AMPH: variants seen among roughly 807,000 people sequenced by gnomAD.
The protein encoded by AMPH is amphiphysin, also known as amphiphysin (Stiff-Mann syndrome with breast cancer 128kD autoantigen).
In AMPH, 49 loss-of-function variants were observed where a neutral mutation model predicts 99.1. That is an observed-to-expected ratio of 0.49 (90% CI 0.39 to 0.63). The LOEUF (loss-of-function observed/expected upper bound fraction) is 0.63. AMPH is among the 20% of genes least tolerant of loss of function. The pLI is 0.00. For synonymous variants in AMPH, 314 were observed against 317.3 expected, an observed-to-expected ratio of 0.99 and a Z score of 0.11; for missense variants, 759 against 863.4, an observed-to-expected ratio of 0.88 and a Z score of 1.52.
Position 38,393,682 on chromosome 7 carries a change from T to C in AMPH, c.1608+323A>G, listed in dbSNP as rs571344102. Among the ~76,000 whole-genome samples, 7 of 152,314 alleles carry C rather than the reference T, an allele frequency of 4.6e-5. No individual in the cohort carries two copies. The South Asian group carries it at 1.2e-3, about 27-fold the overall frequency. On this transcript the variant is annotated intron_variant, in intron 18 of 20. Transcript: ENST00000356264. ...GCTGAGTGCTCACTTCATCACATTC[T>C]CTTTCTCCCGGCTCCATTCTCATCC... is the stretch of plus-strand genomic sequence containing the variant.
intron 2 of AMPH, among the ~76,000 whole-genome samples, chr7:38,527,689 A>G (rs7812098): frequency 0.61 from 93,154 of 152,036 alleles, 29,146 homozygotes; most frequent in African/African-American, 0.75. Context: ...ATCTGCAGAC[A>G]AAATGAGTGT....
At chr7:38,429,475 C>G in intron 14 of AMPH, 1 of 1,314,106 alleles carries the variant, frequency 7.6e-7, no homozygotes, top group Non-Finnish European at 9.9e-7. Context: ...CAAGTAAATG[C>G]ACCTATATCA....
intron 3 of AMPH, among the ~76,000 whole-genome samples, chr7:38,502,701 C>T (rs556641789): frequency 1.3e-5 from 2 of 152,206 alleles, no homozygotes; most frequent in South Asian, 4.2e-4. Flanking sequence ...ATGACTGGGC[C>T]CACTCTGTAT....
chr7:38,579,964 G>A (rs1278376040), intron 1 of AMPH, among the ~76,000 whole-genome samples: 1 of 152,060 alleles, frequency 6.6e-6, no homozygotes, highest in Non-Finnish European at 1.5e-5. Flanking sequence ...TAAACACTCA[G>A]GTAAAAAGCA....
At chr7:38,606,374 T>C (rs1584297436) in intron 1 of AMPH, among the ~76,000 whole-genome samples, 1 of 152,182 alleles carries the variant, frequency 6.6e-6, no homozygotes, top group East Asian at 1.9e-4. Context: ...AGGCAGTGAG[T>C]CCCTATTCCT....
intron 14 of AMPH, among the ~76,000 whole-genome samples, chr7:38,427,433 T>C (rs996535708): frequency 3.9e-5 from 6 of 152,232 alleles, no homozygotes; most frequent in Non-Finnish European, 7.3e-5. Flanking sequence ...GTGTTCTTTT[T>C]GGAGTGGAAC....
chr7:38,406,725 C>CTCTCCT (rs1293617761), intron 17 of AMPH, among the ~76,000 whole-genome samples: 1 of 58,908 alleles, frequency 1.7e-5, no homozygotes, highest in Non-Finnish European at 3.1e-5. Context: ...TCTCTCTCTC[C>CTCTCCT]CTTTCCCTCT....
chr7:38,389,968 C>T, intron 19 of AMPH, 63 bp from the exon 20 acceptor site: 1 of 1,259,736 alleles, frequency 7.9e-7, no homozygotes, highest in East Asian at 2.3e-5. Flanking sequence ...GACACTCTTA[C>T]AAGTCACTCT....
At chr7:38,530,237 A>G (rs777625345) in intron 2 of AMPH, among the ~76,000 whole-genome samples, 9 of 152,208 alleles carry the variant, frequency 5.9e-5, no homozygotes, top group Non-Finnish European at 1.2e-4. Flanking sequence ...GTGTGAGTTC[A>G]GTCTAAGGAG....
chr7:38,394,595 G>A (rs1784611245), intron 17 of AMPH, among the ~76,000 whole-genome samples: 1 of 152,128 alleles, frequency 6.6e-6, no homozygotes, highest in Admixed American at 6.5e-5. Flanking sequence ...AAATAAAATT[G>A]AATCTCGGGA....
intron 1 of AMPH, among the ~76,000 whole-genome samples, chr7:38,569,251 T>C (rs761529357): frequency 1.8e-4 from 27 of 152,196 alleles, no homozygotes; most frequent in Non-Finnish European, 3.4e-4. Flanking sequence ...ATCTTATCTT[T>C]TTCTACTGTT....
chr7:38,392,656 AT>A (rs1784543969), intron 18 of AMPH: 1 of 152,922 alleles, frequency 6.5e-6, no homozygotes. Flanking sequence ...AAGTGCTGGG[AT>A]TACAGGCGTG....
chr7:38,585,663 G>A (rs1365742198), intron 1 of AMPH, among the ~76,000 whole-genome samples: 1 of 152,168 alleles, frequency 6.6e-6, no homozygotes, highest in Non-Finnish European at 1.5e-5. Flanking sequence ...TTAATACATG[G>A]ATCTGTCCAA....
intron 11 of AMPH, among the ~76,000 whole-genome samples, chr7:38,439,228 T>C (rs1055324472): frequency 6.6e-5 from 10 of 152,186 alleles, no homozygotes; most frequent in African/African-American, 2.4e-4. Context: ...TTTTTCTTTA[T>C]AAATGACTCA....
At chr7:38,456,744 G>A (rs1787249395) in intron 11 of AMPH, among the ~76,000 whole-genome samples, 1 of 152,172 alleles carries the variant, frequency 6.6e-6, no homozygotes, top group Non-Finnish European at 1.5e-5. Flanking sequence ...TCAACCTACT[G>A]CTGCCACTAC....
intron 2 of AMPH, among the ~76,000 whole-genome samples, chr7:38,529,992 CA>C (rs1302225776): frequency 6.6e-6 from 1 of 152,062 alleles, no homozygotes; most frequent in Non-Finnish European, 1.5e-5. Flanking sequence ...TTTATATGTA[CA>C]TATACCAGGT....
intron 12 of AMPH, among the ~76,000 whole-genome samples, chr7:38,434,380 G>GC (rs1786173390): frequency 6.6e-6 from 1 of 152,158 alleles, no homozygotes; most frequent in East Asian, 1.9e-4. Context: ...AGACAGAAAT[G>GC]CTATGAAATC....
At chr7:38,572,486 A>G (rs1381393645) in intron 1 of AMPH, among the ~76,000 whole-genome samples, 1 of 152,140 alleles carries the variant, frequency 6.6e-6, no homozygotes, top group Non-Finnish European at 1.5e-5. Flanking sequence ...GCCACACACG[A>G]CTGTACAGGG....
intron 20 of AMPH, among the ~76,000 whole-genome samples, chr7:38,388,923 C>G (rs1784418471): frequency 6.6e-6 from 1 of 152,204 alleles, no homozygotes; most frequent in Non-Finnish European, 1.5e-5. Flanking sequence ...GGATTACAGG[C>G]ATGAGCCACC....
Sources: gnomAD v4.1 joint callset for allele counts (sites outside exome capture counted in the v4.1 genomes callset) on GRCh38, gnomAD v4.1.1 for gene constraint, MANE v1.5 for transcripts, NCBI Gene and HGNC (gene_info 2026-07-23, HGNC 2026-07-21) for gene names.